Variants in ESRRG observed in about 807,000 individuals in gnomAD.
ESRRG encodes estrogen related receptor gamma.
In ESRRG, 13 loss-of-function variants were observed where a neutral mutation model predicts 44.0. The observed-to-expected ratio is 0.30, with a 90% CI of 0.19 to 0.47. The LOEUF (loss-of-function observed/expected upper bound fraction) is 0.47, where lower values mean the gene tolerates loss of function less well. Among genes scored for constraint, ESRRG ranks in the 20% least tolerant of loss-of-function variants. The pLI is 1.00. For missense variants in ESRRG, 395 were observed against 580.6 expected (o/e 0.68, Z 3.29); for synonymous variants, 215 against 214.6 (o/e 1.00, Z -0.02).
At chr1:216,949,526 T>C (rs577462968) in intron 1 of ESRRG, among the ~76,000 whole-genome samples, 3 of 152,154 alleles carry the variant, frequency 2.0e-5, no homozygotes, top group African/African-American at 7.2e-5. Context: ...AGATTAATAA[T>C]GTACATCATA....
intron 1 of ESRRG, among the ~76,000 whole-genome samples, chr1:217,009,239 A>T (rs1032605311): frequency 2.7e-5 from 4 of 149,980 alleles, no homozygotes; most frequent in African/African-American, 9.8e-5. Context: ...CCACAGCGGG[A>T]TCTATATATT....
At chr1:217,007,234 G>T (rs1483712780) in intron 1 of ESRRG, among the ~76,000 whole-genome samples, 1 of 152,106 alleles carries the variant, frequency 6.6e-6, no homozygotes, top group Non-Finnish European at 1.5e-5. Context: ...ATGTGAATGT[G>T]ACTTCTCAAT....
At chr1:217,134,935 G>T (rs1035698864) in intron 1 of ESRRG, among the ~76,000 whole-genome samples, 1 of 152,222 alleles carries the variant, frequency 6.6e-6, no homozygotes, top group Non-Finnish European at 1.5e-5. Flanking sequence ...AAAAGGTGCC[G>T]CAGCGCCCAG....
intron 2 of ESRRG, among the ~76,000 whole-genome samples, chr1:216,809,166 A>C (rs2094891757): frequency 6.6e-6 from 1 of 152,126 alleles, no homozygotes; most frequent in Non-Finnish European, 1.5e-5. Context: ...ATAAGTCAAG[A>C]AGCCTTAGAA....
chr1:216,677,309 T>G lies in ESRRG; in HGVS notation c.239A>C (p.Asp80Ala). 1 of 1,613,852 alleles carries G rather than the reference T, an allele frequency of 6.2e-7. No homozygotes were observed. The highest frequency in any genetic ancestry group is 8.5e-7 in the Non-Finnish European group (1 of 1,179,978). Residue 80 changes from aspartate (D) to alanine (A), a missense_variant, in exon 2 of 7, where the codon GAC (aspartate) becomes GCC (alanine). Physicochemically the swap from Asp to Ala is moderately radical, Grantham distance 126. This residue lies in a region of ESRRG where 148 missense variants were observed against 150.4 expected (regional missense o/e 0.98). Transcript: ENST00000408911. Reference protein sequence around the residue: ...STMNGHQNGLDSPPLYPSAPI... With the variant: ...STMNGHQNGLASPPLYPSAPI... Reference sequence around the variant, plus strand: ...AGCAGAAGGGTAGAGAGGTGGCGAGTCAAGTCCGTTCTGATGGCCATTCAT... The same window carrying G: ...AGCAGAAGGGTAGAGAGGTGGCGAGGCAAGTCCGTTCTGATGGCCATTCAT...
intron 1 of ESRRG, 60 bp downstream of exon 1, chr1:216,723,184 T>G: frequency 1.5e-6 from 2 of 1,377,184 alleles, no homozygotes; most frequent in East Asian, 2.3e-5. Flanking sequence ...ATATAGTCTG[T>G]CCGCCCCCAC....
intron 2 of ESRRG, among the ~76,000 whole-genome samples, chr1:216,818,745 C>G (rs1291977115): frequency 6.6e-6 from 1 of 152,090 alleles, no homozygotes; most frequent in Non-Finnish European, 1.5e-5. Context: ...ATTAGCTATT[C>G]TTCCAGATGC....
At chr1:217,108,364 G>A (rs2092622521) in intron 1 of ESRRG, among the ~76,000 whole-genome samples, 1 of 152,058 alleles carries the variant, frequency 6.6e-6, no homozygotes, top group African/African-American at 2.4e-5. Context: ...CCACAATTCT[G>A]CTTTGCTGCA....
intron 2 of ESRRG, among the ~76,000 whole-genome samples, chr1:216,899,743 C>T (rs763673819): frequency 7.9e-5 from 12 of 152,120 alleles, no homozygotes; most frequent in Non-Finnish European, 1.6e-4. Context: ...ATGATGCTAA[C>T]ATTGATGTGC....
intron 2 of ESRRG, among the ~76,000 whole-genome samples, chr1:216,776,142 T>C (rs547758642): frequency 6.6e-6 from 1 of 152,226 alleles, no homozygotes; most frequent in Non-Finnish European, 1.5e-5. Context: ...TTATACAAGG[T>C]GCTTTTTGGT....
intron 6 of ESRRG, among the ~76,000 whole-genome samples, chr1:216,513,374 C>T (rs1470167737): frequency 6.6e-6 from 1 of 152,124 alleles, no homozygotes; most frequent in Non-Finnish European, 1.5e-5. Flanking sequence ...TAGGTTTCTT[C>T]CAACCCAGAA....
In ESRRG at chr1:216,677,391, C is replaced by T. The variant is rs199995809; in HGVS notation, c.157G>A (p.Val53Ile). ...GAGCCACCAGGGCTGTGGTGGTTGA[C>T]GCTGTCCGTCAGGGAGGCTGGGCTG... ...PSSPASLTDS[V>I]NHHSPGGSSD... is the part of the protein sequence containing the mutation. The change falls in exon 2 of 7, where the codon GTC (valine) becomes ATC (isoleucine). Residue 53 changes from valine to isoleucine, a missense_variant. This residue lies in a region of ESRRG where 148 missense variants were observed against 150.4 expected (regional missense o/e 0.98). Coordinates refer to ENST00000408911, the MANE Select transcript of ESRRG (RefSeq NM_001438.4). The T allele has an allele frequency of 1.1e-4, 176 of 1,614,092 alleles. 1 individual carries two copies. Among genetic ancestry groups the T allele is most frequent in the Admixed American group, 8.8e-4 (53 of 60,014 alleles).
chr1:216,741,112 T>C (rs1232008820), intron 2 of ESRRG, among the ~76,000 whole-genome samples: 1 of 150,556 alleles, frequency 6.6e-6, no homozygotes, highest in Non-Finnish European at 1.5e-5. Context: ...CATAATGGGA[T>C]AGCATTGGAT....
intron 2 of ESRRG, among the ~76,000 whole-genome samples, chr1:216,779,322 T>G (rs2093782438): frequency 1.1e-5 from 1 of 91,408 alleles, no homozygotes; most frequent in Non-Finnish European, 1.9e-5. Context: ...TTTATAAATA[T>G]AAATATATAT....
chr1:217,044,142 C>T (rs1303153135), intron 1 of ESRRG, among the ~76,000 whole-genome samples: 1 of 152,122 alleles, frequency 6.6e-6, no homozygotes, highest in Non-Finnish European at 1.5e-5. Context: ...CTTTGAAATG[C>T]AGAAGCTCAA....
At chr1:216,700,060 AC>A (rs1176256889) in intron 1 of ESRRG, among the ~76,000 whole-genome samples, 6 of 151,902 alleles carry the variant, frequency 3.9e-5, no homozygotes, top group Non-Finnish European at 7.4e-5. Flanking sequence ...GAGAGAGAGA[AC>A]GAAGCACCAA....
chr1:217,045,156 G>A (rs2084632240), intron 1 of ESRRG, among the ~76,000 whole-genome samples: 1 of 152,100 alleles, frequency 6.6e-6, no homozygotes. Context: ...GGCTTTATTT[G>A]CAAATGCAAA....
chr1:216,868,079 CTTTTTTTTTTTT>C (rs58738849), intron 2 of ESRRG, among the ~76,000 whole-genome samples: 1 of 78,358 alleles, frequency 1.3e-5, no homozygotes, highest in Non-Finnish European at 2.2e-5. Context: ...TATATTGATC[CTTTTTTTTTTTT>C]TTTTTTTTTT....
At chr1:217,127,784 A>G (rs1483097438) in intron 1 of ESRRG, among the ~76,000 whole-genome samples, 1 of 152,212 alleles carries the variant, frequency 6.6e-6, no homozygotes, top group Non-Finnish European at 1.5e-5. Flanking sequence ...ATTTTAAAAT[A>G]TTTTTAAAAT....
Sources: allele counts gnomAD v4.1 joint callset (sites outside exome capture counted in the v4.1 genomes callset), GRCh38; gene constraint gnomAD v4.1.1; regional missense constraint gnomAD v4.1.1; transcripts MANE v1.5; gene names NCBI Gene and HGNC (gene_info 2026-07-23, HGNC 2026-07-21).